Variants in OR2L13 observed in about 807,000 individuals in gnomAD.
The protein encoded by OR2L13 is olfactory receptor 2L13.
Under a neutral mutation model 15.3 loss-of-function variants are expected in OR2L13, and 14 were observed. That is an observed-to-expected ratio of 0.91 (90% confidence interval 0.60 to 1.43). The LOEUF (loss-of-function observed/expected upper bound fraction) is 1.43, where lower values mean the gene tolerates loss of function less well. Ranked by LOEUF, OR2L13 falls within the 40% of genes most tolerant of loss-of-function variation. OR2L13 has a pLI of 0.00. For synonymous variants in OR2L13, 152 were observed against 142.9 expected (o/e 1.06, Z -0.45); for missense variants, 367 against 387.9 (o/e 0.95, Z 0.45).
the OR2L13 span, among the ~76,000 whole-genome samples, chr1:248,078,336 C>T: frequency 6.6e-6 from 1 of 151,934 alleles, no homozygotes; most frequent in South Asian, 2.1e-4. Context: ...CAAAAATTAG[C>T]TGGGCGTGGT....
the OR2L13 span, chr1:247,997,217 C>G: frequency 6.6e-6 from 1 of 152,098 alleles, no homozygotes; most frequent in Non-Finnish European, 1.5e-5. Context: ...TGAACTAATA[C>G]CTTTTTTCCC....
chr1:247,993,884 C>G, the OR2L13 span, among the ~76,000 whole-genome samples: 34 of 151,000 alleles, frequency 2.3e-4, no homozygotes, highest in Non-Finnish European at 4.9e-4. Context: ...TGCATTGGTA[C>G]CTGTGGGACC....
chr1:248,013,533 AAAG>A, the OR2L13 span: 1 of 152,190 alleles, frequency 6.6e-6, no homozygotes, highest in South Asian at 2.1e-4. Flanking sequence ...TTCTCCAGGT[AAAG>A]AAGGACTGGA....
chr1:248,074,242 C>T, the OR2L13 span, among the ~76,000 whole-genome samples: 1 of 151,996 alleles, frequency 6.6e-6, no homozygotes, highest in African/African-American at 2.4e-5. Flanking sequence ...TGATTATTCT[C>T]TAGGTAATGG....
At chr1:247,944,336 G>A in the OR2L13 span, among the ~76,000 whole-genome samples, 7 of 151,694 alleles carry the variant, frequency 4.6e-5, no homozygotes, top group Non-Finnish European at 7.4e-5. Flanking sequence ...GGGTACATAT[G>A]CAGGATGTGC....
chr1:247,960,883 T>C, the OR2L13 span, among the ~76,000 whole-genome samples: 2 of 152,220 alleles, frequency 1.3e-5, no homozygotes, highest in Non-Finnish European at 2.9e-5. Flanking sequence ...CCCCTTGCAC[T>C]TCTCAGGTGA....
chr1:248,072,180 A>G, the OR2L13 span, among the ~76,000 whole-genome samples: 4 of 152,076 alleles, frequency 2.6e-5, no homozygotes, highest in African/African-American at 9.7e-5. Context: ...CTCAATCCTA[A>G]GCCAAAAGAA....
chr1:248,049,466 T>C, the OR2L13 span, among the ~76,000 whole-genome samples: 4 of 152,242 alleles, frequency 2.6e-5, no homozygotes, highest in East Asian at 7.7e-4. Context: ...TATATGGGTG[T>C]TTTTTTATAA....
chr1:248,003,640 T>C, the OR2L13 span: 944 of 1,610,874 alleles, frequency 5.9e-4, 8 homozygotes, highest in African/African-American at 0.011. Context: ...ATTGCCCATC[T>C]AGGGTTATCA....
At chr1:248,066,674 A>G in the OR2L13 span, among the ~76,000 whole-genome samples, 2 of 152,260 alleles carry the variant, frequency 1.3e-5, no homozygotes, top group African/African-American at 4.8e-5. Context: ...TTTAAAATAC[A>G]TTTGTCTTCC....
At chr1:248,090,473 T>C (rs12037761), upstream of OR2L13, among the ~76,000 whole-genome samples, 14,833 of 151,836 alleles carry the variant, frequency 0.098, 943 homozygotes, top group African/African-American at 0.2. Flanking sequence ...CGGTGTCTGT[T>C]GTTCCTGTCT....
the OR2L13 span, chr1:247,990,683 T>C: frequency 6.5e-7 from 1 of 1,529,684 alleles, no homozygotes; most frequent in Non-Finnish European, 9.1e-7. Context: ...AGAAAAAGAG[T>C]GTGTGCACTG....
the OR2L13 span, among the ~76,000 whole-genome samples, chr1:248,063,678 T>C: frequency 6.6e-6 from 1 of 152,186 alleles, no homozygotes; most frequent in African/African-American, 2.4e-5. Context: ...TAGGGACATT[T>C]GTACCCAACT....
At chr1:248,095,840 C>T (rs529975184), upstream of OR2L13, among the ~76,000 whole-genome samples, 231 of 150,398 alleles carry the variant, frequency 1.5e-3, no homozygotes, top group Admixed American at 4.8e-3. Flanking sequence ...CTCCTGACCT[C>T]GTGATCCGCC....
At chr1:248,035,589 T>C in the OR2L13 span, 1 of 152,204 alleles carries the variant, frequency 6.6e-6, no homozygotes, top group African/African-American at 2.4e-5. Flanking sequence ...CAGGCTAAAA[T>C]ATTGGACCCA....
the OR2L13 span, among the ~76,000 whole-genome samples, chr1:248,081,153 T>A: frequency 1.3e-5 from 2 of 152,170 alleles, no homozygotes; most frequent in African/African-American, 4.8e-5. Flanking sequence ...TTGAAGATTT[T>A]CTATGCAAAC....
At chr1:247,980,662 A>C in the OR2L13 span, among the ~76,000 whole-genome samples, 1 of 152,208 alleles carries the variant, frequency 6.6e-6, no homozygotes, top group Non-Finnish European at 1.5e-5. Context: ...TCAGCCTAGA[A>C]TGTCCAAACT....
chr1:248,081,510 T>C, the OR2L13 span, among the ~76,000 whole-genome samples: 1 of 152,166 alleles, frequency 6.6e-6, no homozygotes, highest in Non-Finnish European at 1.5e-5. Context: ...CAATATGTTT[T>C]AAAATAATTT....
chr1:248,080,162 T>C, the OR2L13 span, among the ~76,000 whole-genome samples: 4 of 152,200 alleles, frequency 2.6e-5, no homozygotes, highest in East Asian at 7.7e-4. Context: ...AAAAAAATTA[T>C]CAAGCTGTAC....
Sources: gnomAD v4.1 joint callset for allele counts (sites outside exome capture counted in the v4.1 genomes callset) on GRCh38, gnomAD v4.1.1 for gene constraint, MANE v1.5 for transcripts, NCBI Gene and HGNC (gene_info 2026-07-23, HGNC 2026-07-21) for gene names.